MACROD2: variants seen among roughly 807,000 people sequenced by gnomAD.
The protein encoded by MACROD2 is ADP-ribose glycohydrolase MACROD2.
In MACROD2, 36 loss-of-function variants were observed where a neutral mutation model predicts 70.4. The observed-to-expected ratio is 0.51, with a 90% CI of 0.39 to 0.68. MACROD2 has a LOEUF of 0.68. Among genes scored for constraint, MACROD2 ranks in the 30% least tolerant of loss-of-function variants. The pLI, the probability that MACROD2 is intolerant of heterozygous loss-of-function variation, is 0.00. For missense variants in MACROD2, 496 were observed against 538.4 expected, an observed-to-expected ratio of 0.92 and a Z score of 0.78; for synonymous variants, 172 against 178.8, an observed-to-expected ratio of 0.96 and a Z score of 0.30.
intron 3 of MACROD2, among the ~76,000 whole-genome samples, chr20:14,307,242 A>AG (rs2082528594): frequency 6.6e-6 from 1 of 152,128 alleles, no homozygotes; most frequent in South Asian, 2.1e-4. Flanking sequence ...CAAAACCAAA[A>AG]GGGACCTTTG....
At chr20:14,043,955 C>T (rs6110144) in intron 2 of MACROD2, among the ~76,000 whole-genome samples, 26,867 of 152,174 alleles carry the variant, frequency 0.18, 2,590 homozygotes, top group Admixed American at 0.23. Flanking sequence ...GGATTCTTCA[C>T]GATAAGGCTT....
Position 15,114,489 on chromosome 20 carries a change from G to A in MACROD2, c.419-115451G>A, listed in dbSNP as rs564409125. The stretch of plus-strand genomic sequence containing the variant: ...TTCTTGGTTGGTAGCCAACAAGAAA[G>A]TGAGGACATCAGTCAGTCTTAACAA... On this transcript the variant is annotated intron_variant, in intron 5 of 17. Transcript: ENST00000684519. Among the ~76,000 whole-genome samples the A allele has an allele frequency of 2.0e-5, 3 of 152,202 alleles. 1 individual carries two copies. The South Asian group carries it at 6.2e-4, about 32-fold the overall frequency.
At chr20:14,629,147 T>G (rs935312084) in intron 4 of MACROD2, among the ~76,000 whole-genome samples, 3 of 150,806 alleles carry the variant, frequency 2.0e-5, no homozygotes, top group Admixed American at 6.6e-5. Context: ...TAGAGGACTT[T>G]TGTGTGTGTG....
At chr20:15,925,703 A>G (rs1246064847) in intron 10 of MACROD2, among the ~76,000 whole-genome samples, 2 of 152,192 alleles carry the variant, frequency 1.3e-5, no homozygotes, top group Non-Finnish European at 2.9e-5. Context: ...GCCCAGTGGC[A>G]CCTACAGTTT....
At chr20:14,083,950 A>G (rs966841115) in intron 2 of MACROD2, among the ~76,000 whole-genome samples, 2 of 151,594 alleles carry the variant, frequency 1.3e-5, no homozygotes, top group African/African-American at 4.8e-5. Context: ...AGTCTCAGCT[A>G]TTCGGAGAGG....
At chr20:14,170,620 T>A (rs752222143) in intron 3 of MACROD2, among the ~76,000 whole-genome samples, 63 of 152,228 alleles carry the variant, frequency 4.1e-4, no homozygotes, top group Non-Finnish European at 1.9e-4. Context: ...TTTTTGTTTT[T>A]AATTCTTTTT....
At chr20:15,418,466 T>C (rs2046184773) in intron 6 of MACROD2, among the ~76,000 whole-genome samples, 1 of 152,220 alleles carries the variant, frequency 6.6e-6, no homozygotes, top group Non-Finnish European at 1.5e-5. Context: ...ATAGGTTCTT[T>C]GGAACCTCAC....
In MACROD2 at chr20:14,057,361, A is replaced by G. The variant is rs145353582; in HGVS notation, c.164-28260A>G. Among the ~76,000 whole-genome samples the G allele has an allele frequency of 4.4e-3, 667 of 152,308 alleles. 7 individuals are homozygous for G. The highest frequency in any genetic ancestry group is 0.015 in the African/African-American group (637 of 41,578). ...AACAGTAACAGCAGATACTTGTAATATATATATCTGACAGATGGCTTATAT... is the reference window on the plus strand; with the variant it reads ...AACAGTAACAGCAGATACTTGTAATGTATATATCTGACAGATGGCTTATAT... On this transcript the variant is annotated intron_variant, in intron 2 of 17. Coordinates refer to ENST00000684519, the MANE Select transcript of MACROD2 (RefSeq NM_001351661.2).
At chr20:14,894,553 A>G (rs2073805008) in intron 5 of MACROD2, 2 of 152,160 alleles carry the variant, frequency 1.3e-5, no homozygotes, top group African/African-American at 2.4e-5. Flanking sequence ...AAGAAAATCC[A>G]TGCTCATGTA....
At chr20:14,800,507 CTG>C (rs920131350) in intron 5 of MACROD2, among the ~76,000 whole-genome samples, 28 of 152,086 alleles carry the variant, frequency 1.8e-4, no homozygotes, top group African/African-American at 6.8e-4. Context: ...CATAGACTAA[CTG>C]TTTCATTATA....
intron 8 of MACROD2, among the ~76,000 whole-genome samples, chr20:15,679,436 C>T (rs2050129222): frequency 6.6e-6 from 1 of 151,504 alleles, no homozygotes; most frequent in African/African-American, 2.4e-5. Flanking sequence ...TGGCAGCTAG[C>T]TGCCTTGGTG....
chr20:15,471,749 G>A (rs1372319129), intron 7 of MACROD2, among the ~76,000 whole-genome samples: 4 of 151,910 alleles, frequency 2.6e-5, no homozygotes, highest in African/African-American at 9.7e-5. Context: ...CTAAAAGAAG[G>A]AATTATCCCC....
intron 3 of MACROD2, among the ~76,000 whole-genome samples, chr20:14,446,905 C>A (rs6079445): frequency 0.96 from 146,729 of 152,240 alleles, 71,008 homozygotes; most frequent in East Asian, 1. Context: ...ATGCCTATAA[C>A]TTATAAACTG....
chr20:15,341,696 T>A (rs773608818), intron 6 of MACROD2, among the ~76,000 whole-genome samples: 10 of 152,194 alleles, frequency 6.6e-5, no homozygotes, highest in Admixed American at 2.0e-4. Flanking sequence ...TTCCCTAGTA[T>A]TGACTAGTAG....
intron 8 of MACROD2, among the ~76,000 whole-genome samples, chr20:15,804,583 T>A (rs912250249): frequency 6.6e-6 from 1 of 152,202 alleles, no homozygotes; most frequent in African/African-American, 2.4e-5. Context: ...TTGTCAAAAG[T>A]CACTAAGGTA....
intron 8 of MACROD2, among the ~76,000 whole-genome samples, chr20:15,740,327 T>C (rs116274072): frequency 0.01 from 1,550 of 152,254 alleles, 23 homozygotes; most frequent in African/African-American, 0.034. Flanking sequence ...ATGGCAGTCT[T>C]TGTAACAGCC....
chr20:15,066,083 A>G (rs2123094183), intron 5 of MACROD2, among the ~76,000 whole-genome samples: 1 of 150,250 alleles, frequency 6.7e-6, no homozygotes, highest in East Asian at 1.9e-4. Context: ...AAGCTCCCAG[A>G]GGGGAAAGTG....
At chr20:14,695,962 A>C (rs1452483623) in intron 5 of MACROD2, among the ~76,000 whole-genome samples, 1 of 152,216 alleles carries the variant, frequency 6.6e-6, no homozygotes, top group African/African-American at 2.4e-5. Flanking sequence ...TTTATAAAGC[A>C]GGGGAAAGGG....
chr20:14,235,500 T>G (rs1002877924), intron 3 of MACROD2, among the ~76,000 whole-genome samples: 2 of 152,182 alleles, frequency 1.3e-5, no homozygotes, highest in Admixed American at 6.5e-5. Flanking sequence ...TAAGCTATGT[T>G]ACCTCTCATC....
Sources: allele counts gnomAD v4.1 joint callset (sites outside exome capture counted in the v4.1 genomes callset), GRCh38; gene constraint gnomAD v4.1.1; transcripts MANE v1.5; gene names NCBI Gene and HGNC (gene_info 2026-07-23, HGNC 2026-07-21).